The following LRRC37A variants were observed in gnomAD, a reference collection of about 807,000 sequenced individuals.
The protein encoded by LRRC37A is leucine-rich repeat-containing protein 37A.
A neutral mutation model predicts 35.4 loss-of-function variants in LRRC37A; 3 were observed. That is an observed-to-expected ratio of 0.08 (90% CI 0.04 to 0.22). The LOEUF (loss-of-function observed/expected upper bound fraction) is 0.22, where lower values mean the gene tolerates loss of function less well. LRRC37A is among the 10% of genes least tolerant of loss of function. The pLI, the probability that LRRC37A is intolerant of heterozygous loss-of-function variation, is 1.00. For missense variants in LRRC37A, 67 were observed against 565.3 expected, an observed-to-expected ratio of 0.12 and a Z score of 8.94; for synonymous variants, 23 against 215.0, an observed-to-expected ratio of 0.11 and a Z score of 7.81.
chr17:46,283,710 A>G, the LRRC37A span, among the ~76,000 whole-genome samples: 1 of 152,210 alleles, frequency 6.6e-6, no homozygotes, highest in African/African-American at 2.4e-5. Context: ...AAGTACAGAC[A>G]AAGAAATAAG....
At chr17:46,253,277 G>A in the LRRC37A span, among the ~76,000 whole-genome samples, 2 of 150,376 alleles carry the variant, frequency 1.3e-5, no homozygotes, top group African/African-American at 2.4e-5. Context: ...GATGGCGGCC[G>A]GGCAGAGACG....
At chr17:46,317,145 TGGC>T (rs2051188329) in intron 5 of LRRC37A, among the ~76,000 whole-genome samples, 2 of 89,678 alleles carry the variant, frequency 2.2e-5, no homozygotes, top group African/African-American at 6.0e-5. Context: ...CCAGATGGGG[TGGC>T]GGCCGGGCAG....
At chr17:46,287,601 A>G in the LRRC37A span, among the ~76,000 whole-genome samples, 2 of 152,408 alleles carry the variant, frequency 1.3e-5, no homozygotes, top group Admixed American at 1.3e-4. Context: ...CGAATTAAAA[A>G]TAATTTCTCA....
chr17:46,254,469 C>T, the LRRC37A span, among the ~76,000 whole-genome samples: 6 of 152,112 alleles, frequency 3.9e-5, no homozygotes, highest in Admixed American at 3.9e-4. Flanking sequence ...TTCCCAGGCT[C>T]CCAGGCTCAA....
chr17:46,259,019 A>ATTTCTTTTTTTTTTTTTT, the LRRC37A span, among the ~76,000 whole-genome samples: 1 of 79,468 alleles, frequency 1.3e-5, no homozygotes, highest in Non-Finnish European at 2.2e-5. Context: ...CACCCGGCCT[A>ATTTCTTTTTTTTTTTTTT]TTTTTTTTTT....
the LRRC37A span, among the ~76,000 whole-genome samples, chr17:46,286,352 A>C: frequency 0.12 from 18,419 of 152,230 alleles, no homozygotes; most frequent in Non-Finnish European, 0.18. Flanking sequence ...ATTGATTTTA[A>C]AGCTGAAAAC....
At chr17:46,265,868 G>T in the LRRC37A span, among the ~76,000 whole-genome samples, 1 of 152,188 alleles carries the variant, frequency 6.6e-6, no homozygotes, top group Non-Finnish European at 1.5e-5. Flanking sequence ...AGGCCAAGGC[G>T]GGTGGATGGC....
chr17:46,287,154 A>G, the LRRC37A span, among the ~76,000 whole-genome samples: 1 of 152,250 alleles, frequency 6.6e-6, no homozygotes, highest in African/African-American at 2.4e-5. Context: ...TCACATGTGC[A>G]AACAAAGTCA....
chr17:46,336,098 A>G (rs1187064579), intron 11 of LRRC37A, among the ~76,000 whole-genome samples: 1 of 15,450 alleles, frequency 6.5e-5, no homozygotes, highest in African/African-American at 7.2e-5. Flanking sequence ...CGGGTGTGAG[A>G]GAGAGGGCAC....
At chr17:46,305,015 C>T (rs1304211077) in intron 3 of LRRC37A, among the ~76,000 whole-genome samples, 1 of 84,666 alleles carries the variant, frequency 1.2e-5, no homozygotes, top group Non-Finnish European at 2.9e-5. Flanking sequence ...ACTACAGGCA[C>T]GTGCCACTAG....
chr17:46,324,158 C>T (rs2051576143), intron 7 of LRRC37A, among the ~76,000 whole-genome samples: 1 of 116,964 alleles, frequency 8.5e-6, no homozygotes, highest in South Asian at 3.4e-4. Context: ...GTAATCCCAG[C>T]TACTCAGGAG....
the LRRC37A span, among the ~76,000 whole-genome samples, chr17:46,266,224 A>C: frequency 2.6e-5 from 4 of 152,172 alleles, no homozygotes; most frequent in Non-Finnish European, 5.9e-5. Context: ...ATCTAGAAAA[A>C]AGCGGCCATC....
chr17:46,335,474 G>A (rs1360756995), intron 10 of LRRC37A, 71 bp from the exon 11 acceptor site: 1 of 171,126 alleles, frequency 5.8e-6, no homozygotes, highest in African/African-American at 1.8e-5. Context: ...ATGAATAAAA[G>A]GAATCAATAC....
At chr17:46,262,943 T>C in the LRRC37A span, among the ~76,000 whole-genome samples, 1 of 152,200 alleles carries the variant, frequency 6.6e-6, no homozygotes, top group East Asian at 1.9e-4. Context: ...CCGGGTGTGG[T>C]AGTTTATGCC....
the LRRC37A span, among the ~76,000 whole-genome samples, chr17:46,255,363 CTTTTTTTTTT>C: frequency 4.0e-5 from 5 of 126,376 alleles, no homozygotes; most frequent in Non-Finnish European, 8.3e-5. Flanking sequence ...TCCCCAAATT[CTTTTTTTTTT>C]TTTTTTTTTG....
chr17:46,250,658 C>A, the LRRC37A span, among the ~76,000 whole-genome samples: 1 of 152,198 alleles, frequency 6.6e-6, no homozygotes, highest in Admixed American at 6.5e-5. Context: ...TGCAGACGGC[C>A]TATTGTGGGA....
At chr17:46,271,874 A>G in the LRRC37A span, among the ~76,000 whole-genome samples, 1 of 152,088 alleles carries the variant, frequency 6.6e-6, no homozygotes, top group Non-Finnish European at 1.5e-5. Flanking sequence ...CCATCCTCCC[A>G]CCTCAGCCTC....
At position 46,315,292 on chromosome 17, in the gene LRRC37A, C is replaced by A. The variant is rs561354598; in HGVS notation, c.2907-7030C>A. Among the ~76,000 whole-genome samples, 10 of 85,596 alleles carry A rather than the reference C, an allele frequency of 1.2e-4. 3 individuals carry two copies. Among genetic ancestry groups the A allele is most frequent in the African/African-American group, 3.2e-4 (10 of 31,248 alleles). 56.2% of individuals were successfully genotyped at this position (85,596 alleles called of 152,430 possible). On this transcript the variant is annotated intron_variant, in intron 5 of 13. Coordinates refer to ENST00000320254, the Ensembl canonical transcript of LRRC37A. ...GTCATCCTAGCACTTTGGGAGGCTG[C>A]GGTGGGAGGATTGCTTGACCCCAGG...
At chr17:46,263,558 A>G in the LRRC37A span, among the ~76,000 whole-genome samples, 1 of 150,110 alleles carries the variant, frequency 6.7e-6, no homozygotes, top group East Asian at 2.0e-4. Flanking sequence ...CTCAAAAAAA[A>G]AAAAAAAAAA....
Sources: gnomAD v4.1 joint callset for allele counts (sites outside exome capture counted in the v4.1 genomes callset) on GRCh38, gnomAD v4.1.1 for gene constraint, MANE v1.5 for transcripts, NCBI Gene and HGNC (gene_info 2026-07-23, HGNC 2026-07-21) for gene names.